The following CCDC63 variants were observed in gnomAD, a reference collection of about 807,000 sequenced individuals.
CCDC63 encodes the protein coiled-coil domain containing 63.
A neutral mutation model predicts 63.6 loss-of-function variants in CCDC63; 54 were observed. That is an observed-to-expected ratio of 0.85 (90% CI 0.68 to 1.07). The LOEUF is 1.07. CCDC63 is among the 50% of genes least tolerant of loss of function. The probability of loss-of-function intolerance (pLI) is 0.00; values close to 1 mark genes in which losing one functional copy is unlikely to be tolerated. For synonymous variants in CCDC63, 253 were observed against 266.1 expected (o/e 0.95, Z 0.48); for missense variants, 637 against 689.6 (o/e 0.92, Z 0.86).
At chr12:110,859,750 G>T (rs2070828164) in intron 4 of CCDC63, among the ~76,000 whole-genome samples, 1 of 152,132 alleles carries the variant, frequency 6.6e-6, no homozygotes, top group South Asian at 2.1e-4. Context: ...TCCGGGAAGG[G>T]CCACCCTCTC....
At chr12:110,867,019 G>A (rs1294865569) in intron 4 of CCDC63, among the ~76,000 whole-genome samples, 25 of 120,152 alleles carry the variant, frequency 2.1e-4, no homozygotes, top group Admixed American at 3.3e-4. Flanking sequence ...CCTCCCTCCC[G>A]GACGGGGCGG....
upstream of CCDC63, among the ~76,000 whole-genome samples, chr12:110,845,319 G>A (rs929153193): frequency 6.6e-6 from 1 of 152,184 alleles, no homozygotes; most frequent in African/African-American, 2.4e-5. Flanking sequence ...AGAGATGGGA[G>A]ATATCAGCTT....
At chr12:110,879,671 G>A (rs2071172664) in intron 5 of CCDC63, among the ~76,000 whole-genome samples, 1 of 152,160 alleles carries the variant, frequency 6.6e-6, no homozygotes. Context: ...TCTAAAAGTA[G>A]TTGAGGAATT....
intron 4 of CCDC63, among the ~76,000 whole-genome samples, chr12:110,863,791 TCAG>T (rs2070898200): frequency 6.6e-6 from 1 of 152,228 alleles, no homozygotes; most frequent in Non-Finnish European, 1.5e-5. Flanking sequence ...TCTGCCCACC[TCAG>T]CCTCCTAAAG....
chr12:110,858,968 C>T (rs963369480), intron 4 of CCDC63, among the ~76,000 whole-genome samples, 193 bp downstream of exon 4: 1 of 152,174 alleles, frequency 6.6e-6, no homozygotes, highest in African/African-American at 2.4e-5. Context: ...CCAGGCTCAG[C>T]CATACCAATC....
Position 110,899,061 on chromosome 12 carries a change from C to T in CCDC63, c.1278C>T (p.Thr426=), listed in dbSNP as rs775232367. The change falls in exon 10 of 12, where the codon ACC becomes ACT. Residue 426 remains threonine (T), a synonymous_variant. Coordinates refer to ENST00000308208, the MANE Select transcript of CCDC63 (RefSeq NM_152591.3). ...TCAAGAAGATAAACTGTGACGCCAC[C>T]AAGATCCTGGTGCAGTTAGGGGAGA... ...KLFKKINCDA[T]KILVQLGETG... 6.2e-7 allele frequency: 1 copy of T among 1,613,854 alleles called. No homozygotes were observed. The highest frequency in any genetic ancestry group is 2.2e-5 in the East Asian group (1 of 44,868).
rs763216160 is a variant in CCDC63 at position 110,884,116 on chromosome 12, G to A, written c.940G>A (p.Ala314Thr). 1 of 1,614,166 alleles carries A rather than the reference G, an allele frequency of 6.2e-7. No homozygotes were observed. Among genetic ancestry groups the A allele is most frequent in the South Asian group, 1.1e-5 (1 of 91,078 alleles). ...EVAHLRLLKL[A>T]ESGNLNQLIE... ...GGCCCACCTCCGGCTGCTGAAGCTG[G>A]CTGAGAGTGGGAACCTAAACCAGCT... is the stretch of plus-strand genomic sequence containing the variant. The change falls in exon 8 of 12, where the codon GCT becomes ACT. Residue 314 changes from alanine (A) to threonine (T), a missense_variant. Ala to Thr is a moderately conservative substitution (Grantham distance 58). Transcript: ENST00000308208.
At chr12:110,880,899 A>C (rs1196235567) in intron 6 of CCDC63, among the ~76,000 whole-genome samples, 1 of 118,278 alleles carries the variant, frequency 8.5e-6, no homozygotes, top group African/African-American at 3.1e-5. Context: ...GAAGGCAATG[A>C]TGATGATAAT....
chr12:110,904,204 C>T (rs138631571), intron 10 of CCDC63, among the ~76,000 whole-genome samples: 20 of 151,950 alleles, frequency 1.3e-4, no homozygotes, highest in East Asian at 5.8e-4. Flanking sequence ...TAGCTGGGCA[C>T]GGTGTCATAT....
chr12:110,868,977 T>G (rs1244994530), intron 4 of CCDC63, among the ~76,000 whole-genome samples: 3 of 152,202 alleles, frequency 2.0e-5, no homozygotes, highest in Non-Finnish European at 4.4e-5. Flanking sequence ...TCCTGCCCAC[T>G]TTTTGCAGCC....
intron 4 of CCDC63, among the ~76,000 whole-genome samples, chr12:110,867,249 C>T (rs1352971040): frequency 4.4e-4 from 45 of 103,310 alleles, no homozygotes; most frequent in Admixed American, 1.2e-3. Flanking sequence ...CCCTCCCGGA[C>T]GGGGCGGCTG....
At chr12:110,852,805 G>T (rs2070720395) in intron 1 of CCDC63, 54 bp from the exon 2 acceptor site, 1 of 1,183,616 alleles carries the variant, frequency 8.4e-7, no homozygotes. Flanking sequence ...GTTCTGACCT[G>T]CACCCCCAGC....
intron 5 of CCDC63, among the ~76,000 whole-genome samples, chr12:110,876,520 AGAGT>A (rs1357735202): frequency 6.6e-6 from 1 of 152,130 alleles, no homozygotes; most frequent in Non-Finnish European, 1.5e-5. Context: ...CTGGCACCTG[AGAGT>A]GAGTGCCTCC....
intron 9 of CCDC63, among the ~76,000 whole-genome samples, chr12:110,893,864 G>A (rs1386194320): frequency 6.6e-6 from 1 of 152,112 alleles, no homozygotes; most frequent in Non-Finnish European, 1.5e-5. Context: ...AGGTGGTAGT[G>A]GCGCACACCT....
chr12:110,893,421 G>A (rs1340849635), intron 9 of CCDC63, among the ~76,000 whole-genome samples: 2 of 152,124 alleles, frequency 1.3e-5, no homozygotes, highest in South Asian at 2.1e-4. Flanking sequence ...AGTCCAGCCC[G>A]GGCTCTTGGG....
chr12:110,850,480 G>A (rs1333452679), intron 1 of CCDC63, among the ~76,000 whole-genome samples: 1 of 152,186 alleles, frequency 6.6e-6, no homozygotes, highest in Non-Finnish European at 1.5e-5. Flanking sequence ...GGTGGTTCAC[G>A]CCTGTAATCC....
rs767084582 is a variant in CCDC63 at position 110,892,855 on chromosome 12, C to T, written c.1075-221C>T. Reference sequence around the variant, plus strand: ...ATAAAGAAAGAAAGGATGACTCACCCCTCCCACCCCCTTTCATGCTCTCAC... The same window carrying T: ...ATAAAGAAAGAAAGGATGACTCACCTCTCCCACCCCCTTTCATGCTCTCAC... On this transcript the variant is annotated intron_variant, in intron 8 of 11. Coordinates refer to ENST00000308208, the MANE Select transcript of CCDC63 (RefSeq NM_152591.3). Among the ~76,000 whole-genome samples the T allele has an allele frequency of 1.1e-4, 16 of 152,066 alleles. No homozygotes were observed. In the Middle Eastern group the frequency reaches 0.017, roughly 162 times the overall value.
intron 4 of CCDC63, among the ~76,000 whole-genome samples, chr12:110,859,907 C>T (rs919738068): frequency 6.6e-6 from 1 of 152,070 alleles, no homozygotes; most frequent in African/African-American, 2.4e-5. Flanking sequence ...CCCCCACTCC[C>T]ACCCCTTCCC....
At chr12:110,893,280 C>A in intron 9 of CCDC63, 130 bp downstream of exon 9, 1 of 711,702 alleles carries the variant, frequency 1.4e-6, no homozygotes, top group East Asian at 2.6e-5. Flanking sequence ...GAGGTCTGCC[C>A]CATGACTCAG....
Sources: gnomAD v4.1 joint callset for allele counts (sites outside exome capture counted in the v4.1 genomes callset) on GRCh38, gnomAD v4.1.1 for gene constraint, MANE v1.5 for transcripts, NCBI Gene and HGNC (gene_info 2026-07-23, HGNC 2026-07-21) for gene names.